Variants in SLC38A10 observed in about 807,000 individuals in gnomAD.
SLC38A10 encodes the protein Sodium-coupled neutral amino acid transporter 10.
SLC38A10 carries 53 observed loss-of-function variants against 81.0 expected under a neutral mutation model. That is an observed-to-expected ratio of 0.65 (90% confidence interval 0.53 to 0.82). The LOEUF is 0.82. Ranked by LOEUF, SLC38A10 falls within the 40% of genes least tolerant of loss-of-function variation. The pLI is 0.00. For missense variants in SLC38A10, 1,471 were observed against 1,545.0 expected (o/e 0.95, Z 0.80); for synonymous variants, 665 against 655.3 (o/e 1.01, Z -0.23).
rs565055031 is a variant in SLC38A10, at chr17:81,283,799, C to CG, written c.264-298dup. ...TAATTGTTTGTATTTTTAGTAGAGA[C>CG]GGGGTTGCACCGTGTTAGCCAGGAT... On this transcript the variant is annotated intron_variant, in intron 3 of 15. Transcript: ENST00000374759. The surrounding 1 kb of genome is among the most constrained non-coding windows in gnomAD (Gnocchi z 4.7). Among the ~76,000 whole-genome samples the CG allele has an allele frequency of 7.3e-3, 1,113 of 151,580 alleles. 7 individuals are homozygous for CG. Among genetic ancestry groups the CG allele is most frequent in the Non-Finnish European group, 0.013 (853 of 67,878 alleles).
In SLC38A10 at chr17:81,257,324, G is replaced by A. The variant is rs774203173; in HGVS notation, c.1288+2914C>T. Reference sequence around the variant, plus strand: ...TTGGCTGGGCTGGTCTCAAACTCCTGACCTCAGGTGATCCTCCTGCCCTGG... The same window carrying A: ...TTGGCTGGGCTGGTCTCAAACTCCTAACCTCAGGTGATCCTCCTGCCCTGG... On this transcript the variant is annotated intron_variant, in intron 11 of 15. Transcript: ENST00000374759. Among the ~76,000 whole-genome samples, 53 of 152,276 alleles carry A rather than the reference G, an allele frequency of 3.5e-4. 1 individual carries two copies. The highest frequency in any genetic ancestry group is 3.4e-3 in the Middle Eastern group (1 of 294).
intron 9 of SLC38A10, among the ~76,000 whole-genome samples, chr17:81,271,540 G>T (rs1404084370): frequency 1.3e-5 from 2 of 152,204 alleles, no homozygotes; most frequent in African/African-American, 4.8e-5. Context: ...CTGCTAGGGA[G>T]TGGGTGCATT....
At position 81,289,636 on chromosome 17, in the gene SLC38A10, T is replaced by A. The variant is rs945277925; in HGVS notation, c.217+55A>T. Reference sequence around the variant, plus strand: ...TAGAGTAAATAAATAAATAAATAAATGGAATAAGGCCCCCGCCCCAGGTCC... The same window carrying A: ...TAGAGTAAATAAATAAATAAATAAAAGGAATAAGGCCCCCGCCCCAGGTCC... On this transcript the variant is annotated intron_variant, in intron 2 of 15. Coordinates refer to ENST00000374759, the MANE Select transcript of SLC38A10 (RefSeq NM_001037984.3). This position sits in a 1 kb window ranked among gnomAD's most constrained non-coding sequence, Gnocchi z 5.9. The A allele has an allele frequency of 8.6e-7, 1 of 1,168,484 alleles. No homozygotes were observed. Among genetic ancestry groups the A allele is most frequent in the Non-Finnish European group, 1.2e-6 (1 of 842,930 alleles). 72.4% of individuals were successfully genotyped at this position (1,168,484 alleles called of 1,614,324 possible).
chr17:81,282,388 C>T, intron 4 of SLC38A10, 56 bp from the exon 5 acceptor site: 4 of 1,554,816 alleles, frequency 2.6e-6, no homozygotes, highest in Non-Finnish European at 3.5e-6. Flanking sequence ...CACCACCGGG[C>T]TCTCTGCACT....
At chr17:81,290,984 C>A (rs2063305441) in intron 1 of SLC38A10, among the ~76,000 whole-genome samples, 1 of 151,594 alleles carries the variant, frequency 6.6e-6, no homozygotes, top group Admixed American at 6.6e-5. Context: ...TCCAGCCTGG[C>A]GACCGAGCAA....
At chr17:81,248,576 T>A (rs1323578508) in intron 14 of SLC38A10, among the ~76,000 whole-genome samples, 1 of 152,264 alleles carries the variant, frequency 6.6e-6, no homozygotes, top group Non-Finnish European at 1.5e-5. Flanking sequence ...TATAGGAAGC[T>A]TTGAAAAATG....
chr17:81,294,052 C>T (rs1412424402), intron 1 of SLC38A10, among the ~76,000 whole-genome samples: 1 of 151,804 alleles, frequency 6.6e-6, no homozygotes, highest in Non-Finnish European at 1.5e-5. Flanking sequence ...CTCCCTCTGT[C>T]GCCCAGGCTG....
chr17:81,264,267 C>G (rs1432955917), intron 10 of SLC38A10: 1 of 152,694 alleles, frequency 6.5e-6, no homozygotes, highest in Non-Finnish European at 1.5e-5. Flanking sequence ...GCCTCCAGCC[C>G]TGTACTTCCA....
At chr17:81,292,574 C>T (rs557516843) in intron 1 of SLC38A10, among the ~76,000 whole-genome samples, 41 of 152,240 alleles carry the variant, frequency 2.7e-4, no homozygotes, top group Admixed American at 7.8e-4. Context: ...AGAAGGCTGC[C>T]GTGGAGGAGA....
At position 81,295,092 on chromosome 17, in the gene SLC38A10, C is replaced by T; in HGVS notation, c.-171G>A. On this transcript the variant is annotated 5_prime_UTR_variant, in exon 1 of 16. Coordinates refer to ENST00000374759, the MANE Select transcript of SLC38A10 (RefSeq NM_001037984.3). ...CCTGAGCAGGCGCGGGCGCGGGCCC[C>T]AGAGGCTGCCTGGAGGAGGCAGCCT... 8.2e-7 allele frequency: 1 copy of T among 1,215,556 alleles called. No individual in the cohort carries two copies. Among genetic ancestry groups the T allele is most frequent in the Non-Finnish European group, 1.0e-6 (1 of 964,850 alleles). The allele number at this position is 1,215,556 out of a possible 1,614,324, so 75.3% of individuals were successfully genotyped here.
rs533975534 is a variant in SLC38A10 at position 81,258,723 on chromosome 17, T to C, written c.1288+1515A>G. On this transcript the variant is annotated intron_variant, in intron 11 of 15. Coordinates refer to ENST00000374759, the MANE Select transcript of SLC38A10 (RefSeq NM_001037984.3). ...AGGCCTGGACAGCAGTAAGTGGCCC[T>C]GCTCAGGCAGGACCGAGCCTGGGGC... 5.3e-5 allele frequency among the ~76,000 whole-genome samples: 8 copies of C among 152,232 alleles called. No individual in the cohort carries two copies. In the South Asian group the frequency reaches 1.7e-3, roughly 32 times the overall value.
At chr17:81,285,541 TCCGCCCTGA>T (rs2063257827) in intron 2 of SLC38A10, 1 of 152,180 alleles carries the variant, frequency 6.6e-6, no homozygotes, top group South Asian at 2.1e-4. Context: ...CGCCATTCTC[TCCGCCCTGA>T]CCGCGGGATT....
intron 11 of SLC38A10, among the ~76,000 whole-genome samples, chr17:81,255,143 C>T (rs541758022): frequency 2.0e-5 from 3 of 152,368 alleles, no homozygotes; most frequent in Non-Finnish European, 4.4e-5. Context: ...CTCCCGGGAA[C>T]GCCACGCCTC....
At chr17:81,250,459 C>T (rs1222879273) in intron 14 of SLC38A10, among the ~76,000 whole-genome samples, 5 of 152,214 alleles carry the variant, frequency 3.3e-5, no homozygotes, top group Non-Finnish European at 5.9e-5. Flanking sequence ...GGGCAGGAAG[C>T]GTGTGTCTTA....
chr17:81,279,048 G>A (rs1343498814), intron 6 of SLC38A10, among the ~76,000 whole-genome samples: 2 of 152,254 alleles, frequency 1.3e-5, no homozygotes, highest in African/African-American at 4.8e-5. Context: ...CCCAGACGGA[G>A]CATCCCTGGC....
chr17:81,279,672 G>C (rs961255712), intron 6 of SLC38A10: 1 of 155,384 alleles, frequency 6.4e-6, no homozygotes, highest in Non-Finnish European at 1.4e-5. Flanking sequence ...AGGTGCACCG[G>C]CTGCTACGTG....
chr17:81,256,455 G>A (rs1357407512), intron 11 of SLC38A10, among the ~76,000 whole-genome samples: 1 of 152,252 alleles, frequency 6.6e-6, no homozygotes, highest in African/African-American at 2.4e-5. Context: ...CGGGCTGCCG[G>A]CTTGGACCCG....
intron 6 of SLC38A10, chr17:81,279,804 G>C (rs1236693340): frequency 6.2e-6 from 1 of 160,674 alleles, no homozygotes; most frequent in African/African-American, 2.4e-5. Context: ...GATCATAATG[G>C]GATATTAAAC....
chr17:81,246,814 C>T lies in SLC38A10; in HGVS notation c.2242+71G>A, dbSNP rs1398396392. On this transcript the variant is annotated intron_variant, in intron 15 of 15. Transcript: ENST00000374759. ...GGTCTAGAGGCCACCGAGCCTCAGACCCAGCCGCATGAGGACAGCAGGAGA... is the reference window on the plus strand; with the variant it reads ...GGTCTAGAGGCCACCGAGCCTCAGATCCAGCCGCATGAGGACAGCAGGAGA... 7.2e-6 allele frequency: 11 copies of T among 1,519,954 alleles called. No individual in the cohort carries two copies. The African/African-American group carries it at 1.2e-4, about 17-fold the overall frequency. 94.2% of individuals were successfully genotyped at this position (1,519,954 alleles called of 1,614,324 possible).
Sources: gnomAD v4.1 joint callset for allele counts (sites outside exome capture counted in the v4.1 genomes callset) on GRCh38, gnomAD v4.1.1 for gene constraint, Gnocchi (gnomAD v3.1) non-coding constraint, MANE v1.5 for transcripts, NCBI Gene and HGNC (gene_info 2026-07-23, HGNC 2026-07-21) for gene names.